USP15: variants seen among roughly 807,000 people sequenced by gnomAD.
The protein encoded by USP15 is ubiquitin carboxyl-terminal hydrolase 15.
USP15 carries 18 observed loss-of-function variants against 127.1 expected under a neutral mutation model. The ratio of observed to expected loss-of-function variants is 0.14; its 90% CI spans 0.10 to 0.21. USP15 has a LOEUF of 0.21. USP15 is among the 10% of genes least tolerant of loss of function. The pLI is 1.00. For missense variants in USP15, 805 were observed against 1,159.9 expected, an observed-to-expected ratio of 0.69 and a Z score of 4.44; for synonymous variants, 364 against 393.7, an observed-to-expected ratio of 0.92 and a Z score of 0.89.
intron 8 of USP15, among the ~76,000 whole-genome samples, chr12:62,372,476 A>G (rs1364058957): frequency 6.6e-6 from 1 of 152,158 alleles, no homozygotes; most frequent in Non-Finnish European, 1.5e-5. Flanking sequence ...TTGTTGAACA[A>G]TTAAAGTTTT....
chr12:62,326,401 CTT>C (rs1389890549), intron 6 of USP15, among the ~76,000 whole-genome samples: 2 of 126,886 alleles, frequency 1.6e-5, no homozygotes, highest in Non-Finnish European at 3.5e-5. Context: ...AATTAGGAAT[CTT>C]TTTATCTGTT....
chr12:62,377,633 T>A (rs964915081), intron 8 of USP15, among the ~76,000 whole-genome samples: 3 of 151,896 alleles, frequency 2.0e-5, no homozygotes, highest in Admixed American at 6.6e-5. Context: ...GGCAGGAGAA[T>A]TTCTTGAACC....
At chr12:62,366,341 GCTCT>G (rs1471163260) in intron 8 of USP15, among the ~76,000 whole-genome samples, 2 of 152,018 alleles carry the variant, frequency 1.3e-5, no homozygotes, top group African/African-American at 4.8e-5. Context: ...TCATGATTTG[GCTCT>G]CTGTTTATCT....
At chr12:62,297,545 G>C (rs2064168969) in intron 2 of USP15, among the ~76,000 whole-genome samples, 1 of 144,114 alleles carries the variant, frequency 6.9e-6, no homozygotes, top group Non-Finnish European at 1.5e-5. Flanking sequence ...AGGAGGAAGA[G>C]ATTATGGGTT....
At chr12:62,261,964 G>T (rs1485708782) in intron 1 of USP15, among the ~76,000 whole-genome samples, 2 of 152,118 alleles carry the variant, frequency 1.3e-5, no homozygotes, top group Admixed American at 6.5e-5. Flanking sequence ...TGTTGGCCTG[G>T]CAGGGTGGTT....
At chr12:62,366,300 C>T (rs1023277813) in intron 8 of USP15, among the ~76,000 whole-genome samples, 1 of 152,088 alleles carries the variant, frequency 6.6e-6, no homozygotes, top group African/African-American at 2.4e-5. Flanking sequence ...GTATTTTATT[C>T]CCTTAGTAGC....
chr12:62,298,323 G>C (rs951038426), intron 2 of USP15, among the ~76,000 whole-genome samples: 1 of 152,076 alleles, frequency 6.6e-6, no homozygotes, highest in African/African-American at 2.4e-5. Context: ...ACAGGAGTTC[G>C]AGATCAGCTT....
At chr12:62,401,752 G>A (rs1289275082) in intron 21 of USP15, among the ~76,000 whole-genome samples, 3 of 151,540 alleles carry the variant, frequency 2.0e-5, no homozygotes, top group Admixed American at 2.0e-4. Context: ...ATTAATACTT[G>A]TGTACTTACT....
At chr12:62,306,034 A>G (rs2064475590) in intron 3 of USP15, 1 of 152,168 alleles carries the variant, frequency 6.6e-6, no homozygotes, top group Non-Finnish European at 1.5e-5. Flanking sequence ...GCCAATAGAG[A>G]GGAACGGAGG....
chr12:62,387,147 T>C (rs987510136), intron 11 of USP15, among the ~76,000 whole-genome samples: 8 of 152,248 alleles, frequency 5.3e-5, no homozygotes, highest in African/African-American at 1.7e-4. Flanking sequence ...AACACTTAGG[T>C]AGAGATATCC....
chr12:62,349,103 A>G, intron 6 of USP15, 118 bp from the exon 7 acceptor site: 1 of 552,140 alleles, frequency 1.8e-6, no homozygotes. Context: ...GATTTTGCTC[A>G]TAAATCTATT....
chr12:62,270,534 T>C (rs1406858001), intron 1 of USP15, among the ~76,000 whole-genome samples: 1 of 152,102 alleles, frequency 6.6e-6, no homozygotes, highest in Non-Finnish European at 1.5e-5. Flanking sequence ...AGTTAATTTT[T>C]TGTGTATATG....
At position 62,416,145 on chromosome 12, in the gene USP15, AC is replaced by A. The variant is rs1369991787; in HGVS notation, c.*11771del. On this transcript the variant is annotated 3_prime_UTR_variant, in exon 22 of 22. Coordinates refer to ENST00000280377, the MANE Select transcript of USP15 (RefSeq NM_001252078.2). ...AATGGGGCTTTCCCACATTTGTCCCACATTTGCATGGTCTGCCTTATCTCTT... is the reference window on the plus strand; with the variant it reads ...AATGGGGCTTTCCCACATTTGTCCCAATTTGCATGGTCTGCCTTATCTCTT... 1.3e-5 allele frequency: 2 copies of A among 152,194 alleles called. No individual in the cohort carries two copies. Among genetic ancestry groups the A allele is most frequent in the Non-Finnish European group, 2.9e-5 (2 of 68,040 alleles). 9.4% of individuals were successfully genotyped at this position (152,194 alleles called of 1,614,324 possible).
intron 1 of USP15, among the ~76,000 whole-genome samples, chr12:62,274,751 T>G (rs2063439145): frequency 6.6e-6 from 1 of 152,164 alleles, no homozygotes; most frequent in Non-Finnish European, 1.5e-5. Context: ...TCAACTAATA[T>G]AAAAACACTT....
At position 62,406,969 on chromosome 12, in the gene USP15, A is replaced by G. The variant is rs2067886518; in HGVS notation, c.*2594A>G. 1 of 152,168 alleles carries G rather than the reference A, an allele frequency of 6.6e-6. No individual in the cohort carries two copies. The highest frequency in any genetic ancestry group is 2.4e-5 in the African/African-American group (1 of 41,426). The allele number at this position is 152,168 out of a possible 1,614,324, so 9.4% of individuals were successfully genotyped here. ...AACATAGCAAGACTCTGTCTCAAAAAAAAAAAAGATATTCATAGGTAATAC... is the reference window on the plus strand; with the variant it reads ...AACATAGCAAGACTCTGTCTCAAAAGAAAAAAAGATATTCATAGGTAATAC... On this transcript the variant is annotated 3_prime_UTR_variant, in exon 22 of 22. Transcript: ENST00000280377.
intron 1 of USP15, among the ~76,000 whole-genome samples, chr12:62,262,416 C>G (rs2063093549): frequency 6.6e-6 from 1 of 152,036 alleles, no homozygotes; most frequent in Non-Finnish European, 1.5e-5. Context: ...CAACCTAGTA[C>G]CACCTTATTT....
At chr12:62,315,141 A>G (rs1466974980) in intron 4 of USP15, 1 of 318,616 alleles carries the variant, frequency 3.1e-6, no homozygotes, top group Non-Finnish European at 5.5e-6. Context: ...CTTTTTTATA[A>G]AACATCAAAT....
At chr12:62,337,773 T>C (rs1345128163) in intron 6 of USP15, among the ~76,000 whole-genome samples, 2 of 152,080 alleles carry the variant, frequency 1.3e-5, no homozygotes, top group Non-Finnish European at 2.9e-5. Context: ...AGAATGATGG[T>C]TTCCAGCTTC....
intron 20 of USP15, 50 bp downstream of exon 20, chr12:62,396,448 C>G: frequency 6.7e-7 from 1 of 1,492,292 alleles, no homozygotes; most frequent in Non-Finnish European, 9.3e-7. Context: ...TTGAAGAACT[C>G]CAGACTTTTT....
Sources: allele counts gnomAD v4.1 joint callset (sites outside exome capture counted in the v4.1 genomes callset), GRCh38; gene constraint gnomAD v4.1.1; transcripts MANE v1.5; gene names NCBI Gene and HGNC (gene_info 2026-07-23, HGNC 2026-07-21).